The following ABCA12 variants were observed in gnomAD, a reference collection of about 807,000 sequenced individuals.
The protein encoded by ABCA12 is ATP binding cassette subfamily A member 12.
A neutral mutation model predicts 293.5 loss-of-function variants in ABCA12; 156 were observed. The ratio of observed to expected loss-of-function variants is 0.53; its 90% confidence interval spans 0.47 to 0.61. The LOEUF (loss-of-function observed/expected upper bound fraction) is 0.61, where lower values mean the gene tolerates loss of function less well. Ranked by LOEUF, ABCA12 falls within the 20% of genes least tolerant of loss-of-function variation. The pLI, the probability that ABCA12 is intolerant of heterozygous loss-of-function variation, is 0.00. For missense variants in ABCA12, 2,797 were observed against 3,090.2 expected (o/e 0.91, Z 2.25); for synonymous variants, 1,063 against 1,108.0 (o/e 0.96, Z 0.81).
intron 1 of ABCA12, among the ~76,000 whole-genome samples, chr2:215,134,325 T>C (rs556449833): frequency 2.1e-5 from 3 of 143,866 alleles, no homozygotes; most frequent in Non-Finnish European, 3.0e-5. Context: ...TATATATGTA[T>C]ATATGTACAT....
intron 15 of ABCA12, among the ~76,000 whole-genome samples, chr2:215,015,039 T>C (rs1015109118): frequency 1.3e-5 from 2 of 152,160 alleles, no homozygotes; most frequent in African/African-American, 2.4e-5. Flanking sequence ...AGCCTCTATC[T>C]AAATTGATGA....
At chr2:214,992,324 C>T (rs1467318684) in intron 23 of ABCA12, among the ~76,000 whole-genome samples, 1 of 151,244 alleles carries the variant, frequency 6.6e-6, no homozygotes, top group African/African-American at 2.4e-5. Flanking sequence ...GCCCCCGTAG[C>T]CCCAGCTACT....
At chr2:214,948,222 G>A (rs191115326) in intron 47 of ABCA12, among the ~76,000 whole-genome samples, 75 of 152,242 alleles carry the variant, frequency 4.9e-4, no homozygotes, top group African/African-American at 1.8e-3. Context: ...TATTTTACTT[G>A]GGCATTTTGC....
Position 214,987,703 on chromosome 2 carries a change from T to C in ABCA12, c.3920A>G (p.Lys1307Arg). The change falls in exon 27 of 53, where the codon AAG becomes AGG. Residue 1307 changes from lysine (K) to arginine (R), a missense_variant. Physicochemically the swap from Lys to Arg is conservative, Grantham distance 26. Coordinates refer to ENST00000272895, the MANE Select transcript of ABCA12 (RefSeq NM_173076.3). ...RFGCAEVKPE[K>R]SNGLMFTNIM... ...GTTAGTAAACATGAGGCCATTGCTC[T>C]TCTCAGGCTTCACCTCTGCACACCC... 1 of 1,614,122 alleles carries C rather than the reference T, an allele frequency of 6.2e-7. No homozygotes were observed. Among genetic ancestry groups the C allele is most frequent in the Non-Finnish European group, 8.5e-7 (1 of 1,179,994 alleles).
chr2:214,982,295 T>C lies in ABCA12; in HGVS notation c.4471A>G (p.Ile1491Val). Residue 1491 changes from isoleucine (I) to valine (V), a missense_variant, in exon 30 of 53, where the codon ATA becomes GTA. Transcript: ENST00000272895. ...ACCCTTGATCCACCAATGAGAGCTATGGATATAGATAACTTCCTCTTCATG... is the reference window on the plus strand; with the variant it reads ...ACCCTTGATCCACCAATGAGAGCTACGGATATAGATAACTTCCTCTTCATG... Reference protein sequence around the residue: ...GGMKRKLSISIALIGGSRVVI... With the variant: ...GGMKRKLSISVALIGGSRVVI... 1.2e-6 allele frequency: 2 copies of C among 1,614,126 alleles called. No homozygotes were observed. Among genetic ancestry groups the C allele is most frequent in the Non-Finnish European group, 1.7e-6 (2 of 1,179,988 alleles).
At chr2:215,078,125 A>G (rs1214553862) in intron 2 of ABCA12, among the ~76,000 whole-genome samples, 4 of 152,240 alleles carry the variant, frequency 2.6e-5, no homozygotes, top group African/African-American at 9.6e-5. Flanking sequence ...CGCATTTTTA[A>G]AAAACAGGTT....
intron 5 of ABCA12, among the ~76,000 whole-genome samples, chr2:215,051,006 C>T (rs1701310465): frequency 1.3e-5 from 2 of 152,050 alleles, no homozygotes; most frequent in African/African-American, 4.8e-5. Flanking sequence ...TGTGCTGCCT[C>T]ACAAAATTCT....
chr2:215,124,598 T>C (rs553327324), intron 1 of ABCA12, among the ~76,000 whole-genome samples: 13 of 152,334 alleles, frequency 8.5e-5, no homozygotes, highest in African/African-American at 2.9e-4. Flanking sequence ...CATTTGTATA[T>C]CTTCTTTTGA....
intron 49 of ABCA12, among the ~76,000 whole-genome samples, chr2:214,944,551 G>C (rs540675416): frequency 1.3e-5 from 2 of 152,212 alleles, no homozygotes; most frequent in African/African-American, 4.8e-5. Context: ...GATAGGAGAG[G>C]GTGTTGCAGG....
At chr2:214,996,004 G>C (rs1700025214) in intron 23 of ABCA12, among the ~76,000 whole-genome samples, 2 of 152,162 alleles carry the variant, frequency 1.3e-5, no homozygotes, top group South Asian at 4.1e-4. Context: ...ATGGCTGGTA[G>C]AATTGGAATA....
chr2:215,107,572 T>C (rs1702489233), intron 2 of ABCA12, among the ~76,000 whole-genome samples: 1 of 152,230 alleles, frequency 6.6e-6, no homozygotes, highest in Non-Finnish European at 1.5e-5. Flanking sequence ...AGTCAGGTGA[T>C]GTCAGGAATA....
At position 215,031,672 on chromosome 2, in the gene ABCA12, C is replaced by T. The variant is rs2106030434; in HGVS notation, c.1061+149G>A. The T allele has an allele frequency of 7.9e-6, 7 of 882,390 alleles. No individual in the cohort carries two copies. In the South Asian group the frequency reaches 1.0e-4, roughly 13 times the overall value. 54.7% of individuals were successfully genotyped at this position (882,390 alleles called of 1,614,324 possible). A position where few individuals can be genotyped will look rare whatever the true frequency, so the allele number is the denominator to read the frequency against. ...AAAAATAAGTTTCAACTTTACTACA[C>T]TTGGACTATGCCCTTTCCTCTGCTC... On this transcript the variant is annotated intron_variant, in intron 9 of 52. Coordinates refer to ENST00000272895, the MANE Select transcript of ABCA12 (RefSeq NM_173076.3).
intron 11 of ABCA12, 69 bp downstream of exon 11, chr2:215,025,604 T>TG (rs1159478168): frequency 9.2e-6 from 10 of 1,082,104 alleles, no homozygotes; most frequent in African/African-American, 1.7e-5. Context: ...GTTAAGGTTT[T>TG]TTTTTTGTTT....
At chr2:215,110,384 G>A (rs985958198) in intron 2 of ABCA12, among the ~76,000 whole-genome samples, 20 of 152,144 alleles carry the variant, frequency 1.3e-4, no homozygotes, top group Non-Finnish European at 2.5e-4. Flanking sequence ...GGTGATGGGC[G>A]CCTGTAGTCC....
At chr2:215,105,438 G>T (rs1486810281) in intron 2 of ABCA12, among the ~76,000 whole-genome samples, 1 of 152,070 alleles carries the variant, frequency 6.6e-6, no homozygotes, top group Non-Finnish European at 1.5e-5. Flanking sequence ...AGAACAGAAT[G>T]AACACAAAGT....
intron 17 of ABCA12, among the ~76,000 whole-genome samples, chr2:215,010,737 T>C (rs949634491): frequency 6.6e-6 from 1 of 152,156 alleles, no homozygotes; most frequent in Non-Finnish European, 1.5e-5. Flanking sequence ...GAAAGCCACA[T>C]TTCAGAATGG....
At chr2:215,107,134 G>T (rs1359492626) in intron 2 of ABCA12, among the ~76,000 whole-genome samples, 4 of 151,894 alleles carry the variant, frequency 2.6e-5, no homozygotes, top group Non-Finnish European at 5.9e-5. Context: ...ACTTTTTTTG[G>T]AGTCTACTTA....
At chr2:215,011,336 G>A in intron 17 of ABCA12, 103 bp downstream of exon 17, 1 of 871,604 alleles carries the variant, frequency 1.1e-6, no homozygotes, top group Non-Finnish European at 1.8e-6. Flanking sequence ...TTTATTCTTG[G>A]GGAAAATTAA....
chr2:215,061,813 G>T (rs977462812), intron 3 of ABCA12, among the ~76,000 whole-genome samples: 1 of 151,884 alleles, frequency 6.6e-6, no homozygotes, highest in Non-Finnish European at 1.5e-5. Flanking sequence ...ATACACCTGG[G>T]CTTTAATCCT....
Sources: allele counts gnomAD v4.1 joint callset (sites outside exome capture counted in the v4.1 genomes callset), GRCh38; gene constraint gnomAD v4.1.1; transcripts MANE v1.5; gene names NCBI Gene and HGNC (gene_info 2026-07-23, HGNC 2026-07-21).